ANKDD1A: variants seen among roughly 807,000 people sequenced by gnomAD.
ANKDD1A encodes the protein ankyrin repeat and death domain containing 1A.
In ANKDD1A, 59 loss-of-function variants were observed where a neutral mutation model predicts 63.5. The ratio of observed to expected loss-of-function variants is 0.93; its 90% CI spans 0.75 to 1.15. The LOEUF is 1.15. Among genes scored for constraint, ANKDD1A ranks in the 50% most tolerant of loss-of-function variants. The probability of loss-of-function intolerance (pLI) is 0.00; values close to 1 mark genes in which losing one functional copy is unlikely to be tolerated. For missense variants in ANKDD1A, 632 were observed against 656.4 expected, an observed-to-expected ratio of 0.96 and a Z score of 0.41; for synonymous variants, 266 against 263.9, an observed-to-expected ratio of 1.01 and a Z score of -0.08.
At chr15:64,913,029 T>C (rs933411457) in intron 1 of ANKDD1A, among the ~76,000 whole-genome samples, 5 of 151,514 alleles carry the variant, frequency 3.3e-5, no homozygotes, top group Admixed American at 3.3e-4. Flanking sequence ...GGATGGGAGG[T>C]GGATGGAAGA....
intron 14 of ANKDD1A, among the ~76,000 whole-genome samples, chr15:64,952,970 T>C (rs1313890098): frequency 0.037 from 511 of 13,966 alleles, 4 homozygotes; most frequent in Non-Finnish European, 0.1. Context: ...TCTTCTTCTT[T>C]TCTTCTTGTC....
At chr15:64,923,439 G>A (rs916853616) in intron 4 of ANKDD1A, among the ~76,000 whole-genome samples, 8 of 152,220 alleles carry the variant, frequency 5.3e-5, no homozygotes, top group Non-Finnish European at 7.4e-5. Flanking sequence ...AAACTAATAC[G>A]CCATTGTAAG....
chr15:64,918,907 T>C (rs113562651), intron 3 of ANKDD1A, among the ~76,000 whole-genome samples: 5,018 of 152,002 alleles, frequency 0.033, 261 homozygotes, highest in African/African-American at 0.11. Flanking sequence ...TGAGCCAAGA[T>C]TGTGGCACTG....
rs142048773 is a variant in ANKDD1A at position 64,916,662 on chromosome 15, A to G, written c.139-724A>G. 3.2e-3 allele frequency among the ~76,000 whole-genome samples: 486 copies of G among 152,306 alleles called. 3 individuals carry two copies. Among genetic ancestry groups the G allele is most frequent in the African/African-American group, 0.011 (458 of 41,568 alleles). On this transcript the variant is annotated intron_variant, in intron 2 of 14. Transcript: ENST00000319580. ...TTTTTGAGGAGCCAAGTGAAGGACAATATTTCAGGCAGAGGGAATAGTATG... is the reference window on the plus strand; with the variant it reads ...TTTTTGAGGAGCCAAGTGAAGGACAGTATTTCAGGCAGAGGGAATAGTATG...
intron 3 of ANKDD1A, among the ~76,000 whole-genome samples, chr15:64,918,173 G>C (rs1320795547): frequency 1.3e-5 from 2 of 152,218 alleles, no homozygotes; most frequent in Non-Finnish European, 2.9e-5. Context: ...GACGAGCCTG[G>C]ATGACACGGC....
At chr15:64,951,936 TCTTTTCTTCTTCTTCTTTC>T (rs539293721) in intron 14 of ANKDD1A, among the ~76,000 whole-genome samples, 290 of 146,328 alleles carry the variant, frequency 2.0e-3, no homozygotes, top group African/African-American at 7.0e-3. Flanking sequence ...CTTCTTCCTT[TCTTTTCTTCTTCTTCTTTC>T]CTTCTGCTCT....
At chr15:64,934,066 C>G in intron 8 of ANKDD1A, 70 bp from the exon 9 acceptor site, 10 of 1,303,682 alleles carry the variant, frequency 7.7e-6, no homozygotes, top group South Asian at 1.4e-5. Context: ...AAAAATGAAT[C>G]TCGAAGAGCT....
chr15:64,937,388 A>G (rs2085142572), intron 9 of ANKDD1A, among the ~76,000 whole-genome samples: 1 of 152,230 alleles, frequency 6.6e-6, no homozygotes, highest in African/African-American at 2.4e-5. Flanking sequence ...AGACAATGTA[A>G]TAAACTGTGG....
In ANKDD1A at chr15:64,947,482, G is replaced by A. The variant is rs1030713804; in HGVS notation, c.1240G>A (p.Val414Met). ...HRQETQQLRSVLWRLASRYLQ... is the reference protein window; with the variant it reads ...HRQETQQLRSMLWRLASRYLQ... The stretch of plus-strand genomic sequence containing the variant: ...GCAGGAAACACAGCAGCTCCGTTCT[G>A]TGCTGTGGCGGCTGGCCTCCAGGTA... The change falls in exon 13 of 15, where the codon GTG becomes ATG. Residue 414 changes from valine (V) to methionine (M), a missense_variant. Val to Met is a conservative substitution (Grantham distance 21). Transcript: ENST00000319580. 8 of 1,614,062 alleles carry A rather than the reference G, an allele frequency of 5.0e-6. No homozygotes were observed. Among genetic ancestry groups the A allele is most frequent in the Non-Finnish European group, 6.8e-6 (8 of 1,180,028 alleles).
intron 1 of ANKDD1A, among the ~76,000 whole-genome samples, chr15:64,912,482 G>A (rs1017032779): frequency 7.2e-5 from 11 of 152,178 alleles, no homozygotes; most frequent in South Asian, 2.1e-4. Context: ...GATGGGGCAC[G>A]CACTCAGAGG....
Position 64,915,857 on chromosome 15 carries a change from A to C in ANKDD1A, c.95A>C (p.Gln32Pro), listed in dbSNP as rs768948374. 1.7e-5 allele frequency: 27 copies of C among 1,613,940 alleles called. No individual in the cohort carries two copies. The highest frequency in any genetic ancestry group is 2.3e-5 in the Non-Finnish European group (27 of 1,179,960). The change falls in exon 2 of 15, where the codon CAG (glutamine) becomes CCG (proline). Residue 32 changes from glutamine (Q) to proline (P), a missense_variant. Transcript: ENST00000319580. Reference sequence around the variant, plus strand: ...CGCCAGAACAATGTCGGCAGGATGCAGGAGCTGATTGGGAGGAGGGTTAAC... The same window carrying C: ...CGCCAGAACAATGTCGGCAGGATGCCGGAGCTGATTGGGAGGAGGGTTAAC... ...AARQNNVGRM[Q>P]ELIGRRVNTR...
In ANKDD1A at chr15:64,958,365, T is replaced by C. The variant is rs138175452; in HGVS notation, c.*1177T>C. 1 of 152,232 alleles carries C rather than the reference T, an allele frequency of 6.6e-6. No homozygotes were observed. The highest frequency in any genetic ancestry group is 1.5e-5 in the Non-Finnish European group (1 of 68,034). 9.4% of individuals were successfully genotyped at this position (152,232 alleles called of 1,614,324 possible). On this transcript the variant is annotated 3_prime_UTR_variant, in exon 15 of 15. Coordinates refer to ENST00000319580, the MANE Select transcript of ANKDD1A (RefSeq NM_182703.6). ...ATATTGGTTCATCAGTTGTATCAAA[T>C]GTACCACACTGATGCCAGATGTTAA...
In ANKDD1A at chr15:64,954,124, TTTC is replaced by T. The variant is rs1212270671; in HGVS notation, c.1484-2972_1484-2970del. ...CTTTTCTTCTTCCTTTCTTTTCTCC[TTTC>T]TTCTTCCTCTTTCTTCTTGTTCCTT... On this transcript the variant is annotated intron_variant, in intron 14 of 14. Transcript: ENST00000319580. Among the ~76,000 whole-genome samples, 14 of 148,646 alleles carry T rather than the reference TTTC, an allele frequency of 9.4e-5. No homozygotes were observed. In the East Asian group the frequency reaches 1.4e-3, roughly 15 times the overall value.
intron 14 of ANKDD1A, chr15:64,951,396 T>A: frequency 1.0e-5 from 1 of 97,496 alleles, no homozygotes; most frequent in Non-Finnish European, 1.5e-5. Context: ...TTCTTCTTCC[T>A]CTTTTTTCTT....
At chr15:64,953,615 C>CTTCTTCTTCTTCTTCTTACTTCTTCTTAG (rs1555397855) in intron 14 of ANKDD1A, among the ~76,000 whole-genome samples, 1 of 108,910 alleles carries the variant, frequency 9.2e-6, no homozygotes, top group African/African-American at 3.7e-5. Flanking sequence ...TTCTTCTCTC[C>CTTCTTCTTCTTCTTCTTACTTCTTCTTAG]TTCTTCTTCT....
intron 9 of ANKDD1A, among the ~76,000 whole-genome samples, chr15:64,936,852 A>T (rs61547943): frequency 0.36 from 54,642 of 151,244 alleles, 10,280 homozygotes; most frequent in South Asian, 0.44. Context: ...TCTAAAAAAA[A>T]TTTTTTAAAA....
chr15:64,934,327 C>T, intron 9 of ANKDD1A, 93 bp downstream of exon 9: 2 of 1,252,602 alleles, frequency 1.6e-6, no homozygotes, highest in Non-Finnish European at 2.2e-6. Context: ...CACATCGGAT[C>T]CTTGGGGTTG....
At chr15:64,926,350 G>A (rs2085046201) in intron 5 of ANKDD1A, among the ~76,000 whole-genome samples, 180 bp downstream of exon 5, 1 of 152,126 alleles carries the variant, frequency 6.6e-6, no homozygotes, top group African/African-American at 2.4e-5. Context: ...CAGAATACAA[G>A]CAGAACACAG....
intron 8 of ANKDD1A, chr15:64,932,600 G>A (rs951809012): frequency 6.6e-6 from 1 of 152,098 alleles, no homozygotes; most frequent in Admixed American, 6.5e-5. Flanking sequence ...AACCTTTCTG[G>A]CTGGTTGAAT....
Sources: allele counts gnomAD v4.1 joint callset (sites outside exome capture counted in the v4.1 genomes callset), GRCh38; gene constraint gnomAD v4.1.1; transcripts MANE v1.5; gene names NCBI Gene and HGNC (gene_info 2026-07-23, HGNC 2026-07-21).